Variants in DHRS3 observed in about 807,000 individuals in gnomAD.
DHRS3 encodes the protein dehydrogenase/reductase 3, also known as short-chain dehydrogenase/reductase 3.
A neutral mutation model predicts 27.2 loss-of-function variants in DHRS3; 14 were observed. That is an observed-to-expected ratio of 0.52 (90% confidence interval 0.34 to 0.81). The LOEUF (loss-of-function observed/expected upper bound fraction) is 0.81. Among genes scored for constraint, DHRS3 ranks in the 30% least tolerant of loss-of-function variants. DHRS3 has a pLI of 0.01. For missense variants in DHRS3, 322 were observed against 406.2 expected (o/e 0.79, Z 1.78); for synonymous variants, 165 against 175.9 (o/e 0.94, Z 0.49).
intron 1 of DHRS3, among the ~76,000 whole-genome samples, chr1:12,605,624 C>G (rs1646865414): frequency 6.6e-6 from 1 of 151,938 alleles, no homozygotes; most frequent in South Asian, 2.1e-4. Context: ...ATTTTTTTTG[C>G]CCCAAAATAA....
chr1:12,582,563 T>C (rs1381163488), intron 1 of DHRS3, among the ~76,000 whole-genome samples: 1 of 152,104 alleles, frequency 6.6e-6, no homozygotes, highest in African/African-American at 2.4e-5. Flanking sequence ...CAGAATGTGT[T>C]CCTCCAGGAG....
intron 1 of DHRS3, among the ~76,000 whole-genome samples, chr1:12,589,625 A>G (rs1211945674): frequency 6.6e-6 from 1 of 152,088 alleles, no homozygotes; most frequent in African/African-American, 2.4e-5. Flanking sequence ...GGTGTGAGCC[A>G]CCGTGCCCAG....
intron 1 of DHRS3, among the ~76,000 whole-genome samples, chr1:12,587,056 A>G (rs543029053): frequency 1.3e-4 from 20 of 151,970 alleles, no homozygotes; most frequent in Non-Finnish European, 2.1e-4. Context: ...ATGATAAGTG[A>G]CACGACATGG....
rs867827483 is a variant in DHRS3, at chr1:12,616,767, C to G, written c.195+387G>C. 8.7e-6 allele frequency: 9 copies of G among 1,032,338 alleles called. No individual in the cohort carries two copies. In the Middle Eastern group the frequency reaches 1.4e-3, roughly 160 times the overall value. 63.9% of individuals were successfully genotyped at this position (1,032,338 alleles called of 1,614,324 possible). On this transcript the variant is annotated intron_variant, in intron 1 of 5. Coordinates refer to ENST00000616661, the MANE Select transcript of DHRS3 (RefSeq NM_004753.7). ...GCCAGCTAGCAGGCGGCTCCCAGCT[C>G]TACCCAGGAGTGCGCACACCCTGCA...
intron 5 of DHRS3, 114 bp from the exon 6 acceptor site, chr1:12,568,538 TC>T: frequency 2.2e-6 from 2 of 915,610 alleles, no homozygotes; most frequent in Middle Eastern, 3.2e-4. Flanking sequence ...CTGAAAGTGC[TC>T]CCCACACCTC....
At position 12,592,201 on chromosome 1, in the gene DHRS3, C is replaced by T. The variant is rs1043708461; in HGVS notation, c.196-11535G>A. Among the ~76,000 whole-genome samples, 1 of 152,212 alleles carries T rather than the reference C, an allele frequency of 6.6e-6. No homozygotes were observed. The highest frequency in any genetic ancestry group is 1.5e-5 in the Non-Finnish European group (1 of 68,034). On this transcript the variant is annotated intron_variant, in intron 1 of 5. Transcript: ENST00000616661. The surrounding 1 kb of genome is among the most constrained non-coding windows in gnomAD (Gnocchi z 4.2). ...ACTGCAGGCTGGATCCTGCTCTGGG[C>T]TCTTAGACTGAATCCTCTCGGCTGC...
Position 12,568,343 on chromosome 1 carries a change from T to G in DHRS3, c.906A>C (p.Thr302=), listed in dbSNP as rs143724543. The change falls in exon 6 of 6, where the codon ACA becomes ACC. Residue 302 remains threonine (T), a synonymous_variant. Coordinates refer to ENST00000616661, the MANE Select transcript of DHRS3 (RefSeq NM_004753.7). ...YTCMNTFKGR[T] is the part of the protein sequence containing the mutation. ...CAAGCATGTCTTCATCCTGTCTCTA[T>G]GTCCGCCCTTTGAAAGTGTTCATGC... is the stretch of plus-strand genomic sequence containing the variant. The G allele has an allele frequency of 6.5e-5, 105 of 1,613,490 alleles. 2 individuals carry two copies. The South Asian group carries it at 1.1e-3, about 17-fold the overall frequency.
chr1:12,570,068 AAC>A (rs2100638331), intron 5 of DHRS3: 1 of 152,272 alleles, frequency 6.6e-6, no homozygotes, highest in East Asian at 1.9e-4. Context: ...CCCTTCATAC[AAC>A]ACACTTTCAA....
At chr1:12,588,059 G>A (rs981096756) in intron 1 of DHRS3, among the ~76,000 whole-genome samples, 6 of 152,230 alleles carry the variant, frequency 3.9e-5, no homozygotes, top group Non-Finnish European at 7.3e-5. Flanking sequence ...CTGTCTCTTA[G>A]AGGACAGGGA....
rs749686997 is a variant in DHRS3, at chr1:12,591,528, G to A, written c.196-10862C>T. 5.3e-5 allele frequency among the ~76,000 whole-genome samples: 8 copies of A among 152,234 alleles called. No homozygotes were observed. The highest frequency in any genetic ancestry group is 2.1e-4 in the South Asian group (1 of 4,826). Reference sequence around the variant, plus strand: ...AGCAGGGCAGAGACTTCCTCCAGGCGGACGTCCAGCCTGGAACTGGCCCGC... The same window carrying A: ...AGCAGGGCAGAGACTTCCTCCAGGCAGACGTCCAGCCTGGAACTGGCCCGC... On this transcript the variant is annotated intron_variant, in intron 1 of 5. Transcript: ENST00000616661. This position sits in a 1 kb window ranked among gnomAD's most constrained non-coding sequence, Gnocchi z 4.1.
chr1:12,584,628 A>G (rs948589495), intron 1 of DHRS3, among the ~76,000 whole-genome samples: 3 of 152,176 alleles, frequency 2.0e-5, no homozygotes, highest in African/African-American at 7.2e-5. Context: ...AACTTCTGTA[A>G]GAGGAGAGAC....
rs58614555 is a variant in DHRS3 at position 12,617,520 on chromosome 1, GAA to G, written c.-174_-173del. 336 of 131,650 alleles carry G rather than the reference GAA, an allele frequency of 2.6e-3. No individual in the cohort carries two copies. The highest frequency in any genetic ancestry group is 6.4e-3 in the Middle Eastern group (2 of 312). The allele number at this position is 131,650 out of a possible 1,614,324, so 8.2% of individuals were successfully genotyped here. ...AATGCAAAGCACCGGGTGAGAAAAA[GAA>G]AAAAAAAAAAAAAAAAAAGATAAAT... On this transcript the variant is annotated 5_prime_UTR_variant, in exon 1 of 6. Coordinates refer to ENST00000616661, the MANE Select transcript of DHRS3 (RefSeq NM_004753.7).
intron 1 of DHRS3, among the ~76,000 whole-genome samples, chr1:12,583,604 TC>T (rs1646666425): frequency 1.5e-5 from 2 of 131,390 alleles, no homozygotes; most frequent in Non-Finnish European, 3.2e-5. Context: ...CATCCATCCA[TC>T]CATCCATCCA....
chr1:12,575,996 C>T (rs978382805), intron 4 of DHRS3, among the ~76,000 whole-genome samples: 3 of 152,038 alleles, frequency 2.0e-5, no homozygotes, highest in African/African-American at 4.8e-5. Context: ...CGTGAGCCAC[C>T]GTGCCCAGCT....
intron 1 of DHRS3, among the ~76,000 whole-genome samples, chr1:12,606,908 A>G (rs2100718300): frequency 6.6e-6 from 1 of 152,334 alleles, no homozygotes; most frequent in South Asian, 2.1e-4. Flanking sequence ...AAGCACAATC[A>G]AAGCAATGGC....
In DHRS3 at chr1:12,586,090, G is replaced by C. The variant is rs1646694902; in HGVS notation, c.196-5424C>G. On this transcript the variant is annotated intron_variant, in intron 1 of 5. Coordinates refer to ENST00000616661, the MANE Select transcript of DHRS3 (RefSeq NM_004753.7). This position sits in a 1 kb window ranked among gnomAD's most constrained non-coding sequence, Gnocchi z 5.0. ...AGTGACTGGTAGGGGGAGGCAGGAA[G>C]GGGAGAAAGACCTCTGGTCTCCGGG... Among the ~76,000 whole-genome samples the C allele has an allele frequency of 6.6e-6, 1 of 152,224 alleles. No homozygotes were observed. The highest frequency in any genetic ancestry group is 2.4e-5 in the African/African-American group (1 of 41,464).
intron 1 of DHRS3, among the ~76,000 whole-genome samples, chr1:12,600,015 C>T (rs575374395): frequency 6.6e-6 from 1 of 152,302 alleles, no homozygotes; most frequent in Admixed American, 6.5e-5. Context: ...GTGCTTGCAG[C>T]TGCCTTCAGC....
rs1175900976 is a variant in DHRS3 at position 12,591,048 on chromosome 1, G to A, written c.196-10382C>T. Reference sequence around the variant, plus strand: ...TTGTCCCACTCAAGGCTGTTTCTAGGGGAGGAGACAGACATAGAGCTTCGG... The same window carrying A: ...TTGTCCCACTCAAGGCTGTTTCTAGAGGAGGAGACAGACATAGAGCTTCGG... On this transcript the variant is annotated intron_variant, in intron 1 of 5. Coordinates refer to ENST00000616661, the MANE Select transcript of DHRS3 (RefSeq NM_004753.7). The surrounding 1 kb of genome is among the most constrained non-coding windows in gnomAD (Gnocchi z 4.1). 6.6e-6 allele frequency among the ~76,000 whole-genome samples: 1 copy of A among 152,200 alleles called. No individual in the cohort carries two copies. The highest frequency in any genetic ancestry group is 2.4e-5 in the African/African-American group (1 of 41,446).
In DHRS3 at chr1:12,578,777, G is replaced by T. The variant is rs540641353; in HGVS notation, c.639C>A (p.Ser213Arg). Residue 213 changes from serine (S) to arginine (R), a missense_variant, in exon 4 of 6, where the codon AGC (serine) becomes AGA (arginine). Ser to Arg is a moderately radical substitution (Grantham distance 110). Coordinates refer to ENST00000616661, the MANE Select transcript of DHRS3 (RefSeq NM_004753.7). This position sits in a 1 kb window ranked among gnomAD's most constrained non-coding sequence, Gnocchi z 4.5. ...TGTGGAAGGGCAGCACTGTGGTGGC[G>T]CTGACTCCCGGACAGTCCAGCAGCC... Reference protein sequence around the residue: ...TLGLLDCPGVSATTVLPFHTS... With the variant: ...TLGLLDCPGVRATTVLPFHTS... 80 of 1,614,070 alleles carry T rather than the reference G, an allele frequency of 5.0e-5. 1 individual carries two copies. In the East Asian group the frequency reaches 1.4e-3, roughly 29 times the overall value.
Sources: gnomAD v4.1 joint callset for allele counts (sites outside exome capture counted in the v4.1 genomes callset) on GRCh38, gnomAD v4.1.1 for gene constraint, Gnocchi (gnomAD v3.1) non-coding constraint, MANE v1.5 for transcripts, NCBI Gene and HGNC (gene_info 2026-07-23, HGNC 2026-07-21) for gene names.